BLTP1: variants seen among roughly 807,000 people sequenced by gnomAD.
The protein encoded by BLTP1 is fragile site-associated protein.
the BLTP1 span, among the ~76,000 whole-genome samples, chr4:122,158,034 T>A: frequency 6.6e-6 from 1 of 152,108 alleles, no homozygotes; most frequent in Non-Finnish European, 1.5e-5. Flanking sequence ...CTGGAAGATA[T>A]GAGAAAAGCC....
chr4:122,189,369 C>T, the BLTP1 span: 8 of 982,880 alleles, frequency 8.1e-6, no homozygotes, highest in African/African-American at 5.3e-5. Flanking sequence ...TTAATGGTTT[C>T]TGGGAAATTA....
At chr4:122,177,527 A>T in the BLTP1 span, among the ~76,000 whole-genome samples, 2 of 152,164 alleles carry the variant, frequency 1.3e-5, no homozygotes, top group Non-Finnish European at 2.9e-5. Context: ...CTTGTAAGTG[A>T]CCTATAGAAT....
At chr4:122,254,796 G>T in the BLTP1 span, 4 of 1,523,410 alleles carry the variant, frequency 2.6e-6, no homozygotes, top group South Asian at 5.2e-5. Context: ...TTTTATTTAT[G>T]TTAAAAAGGC....
the BLTP1 span, chr4:122,349,718 C>T: frequency 6.5e-7 from 1 of 1,531,912 alleles, no homozygotes; most frequent in Admixed American, 2.1e-5. This position sits in a 1 kb window ranked among gnomAD's most constrained non-coding sequence, Gnocchi z 4.5. Context: ...GGTGAGAAAA[C>T]AGCAATTTTT....
the BLTP1 span, chr4:122,328,461 G>A: frequency 9.5e-7 from 1 of 1,051,082 alleles, no homozygotes; most frequent in Admixed American, 2.6e-5. Flanking sequence ...TTTTTAATGT[G>A]CCTCGCTTGA....
chr4:122,289,585 C>G, the BLTP1 span: 1 of 985,274 alleles, frequency 1.0e-6, no homozygotes, highest in Non-Finnish European at 1.2e-6. Context: ...TCTGTGGAAA[C>G]CCTCATTATA....
the BLTP1 span, chr4:122,300,814 G>T: frequency 1.7e-6 from 1 of 586,628 alleles, no homozygotes; most frequent in Non-Finnish European, 2.1e-6. Flanking sequence ...ATATTTGAAA[G>T]ATAGGCAGGC....
chr4:122,204,107 G>T, the BLTP1 span, among the ~76,000 whole-genome samples: 7 of 151,794 alleles, frequency 4.6e-5, no homozygotes, highest in African/African-American at 1.4e-4. Context: ...TCACTTATGG[G>T]CATTTCTTGT....
the BLTP1 span, among the ~76,000 whole-genome samples, chr4:122,270,729 A>T: frequency 6.6e-6 from 1 of 152,114 alleles, no homozygotes. Context: ...CCATCAAATG[A>T]CAGTAAAAGT....
At chr4:122,229,148 A>G in the BLTP1 span, 6 of 1,607,144 alleles carry the variant, frequency 3.7e-6, no homozygotes, top group Admixed American at 1.7e-5. Flanking sequence ...GCCTTGTCCA[A>G]CTTCAGATGA....
chr4:122,343,469 C>T, the BLTP1 span: 1 of 1,614,094 alleles, frequency 6.2e-7, no homozygotes, highest in Non-Finnish European at 8.5e-7. Context: ...TCAGTCAGAC[C>T]TGACCAGTTC....
chr4:122,200,645 C>T, the BLTP1 span: 13 of 982,450 alleles, frequency 1.3e-5, no homozygotes, highest in African/African-American at 3.5e-5. Context: ...TGTGACAGTA[C>T]GCATCACACT....
chr4:122,179,468 A>G, the BLTP1 span, among the ~76,000 whole-genome samples: 1 of 152,134 alleles, frequency 6.6e-6, no homozygotes, highest in African/African-American at 2.4e-5. Context: ...GCTGATCTCC[A>G]TGCTTACATG....
At chr4:122,220,491 G>A in the BLTP1 span, 7 of 1,572,434 alleles carry the variant, frequency 4.5e-6, no homozygotes, top group Non-Finnish European at 6.1e-6. Flanking sequence ...AATGAAATAT[G>A]GTGGAGACAT....
the BLTP1 span, chr4:122,204,824 A>G: frequency 1.1e-6 from 1 of 869,624 alleles, no homozygotes; most frequent in Non-Finnish European, 1.4e-6. Flanking sequence ...GGTAGGAGTA[A>G]AAGATTTGAG....
At chr4:122,243,342 G>A in the BLTP1 span, 85 of 895,294 alleles carry the variant, frequency 9.5e-5, 1 homozygote, top group Middle Eastern at 1.1e-3. Flanking sequence ...GGTACATCAG[G>A]TAAATATATT....
chr4:122,269,792 G>T, the BLTP1 span: 5 of 518,602 alleles, frequency 9.6e-6, no homozygotes, highest in African/African-American at 1.0e-4. Context: ...CCTCATACAT[G>T]ATAGTTTCTT....
At chr4:122,332,571 T>C in the BLTP1 span, among the ~76,000 whole-genome samples, 1 of 151,916 alleles carries the variant, frequency 6.6e-6, no homozygotes, top group Non-Finnish European at 1.5e-5. Context: ...TGAACTTTAC[T>C]TTTTTCAACT....
chr4:122,161,796 A>G, the BLTP1 span, among the ~76,000 whole-genome samples: 1 of 152,348 alleles, frequency 6.6e-6, no homozygotes, highest in African/African-American at 2.4e-5. Context: ...CATTAGAAAT[A>G]CTTGCCTATC....
Sources: gnomAD v4.1 joint callset for allele counts (sites outside exome capture counted in the v4.1 genomes callset) on GRCh38, gnomAD v4.1.1 for gene constraint, Gnocchi (gnomAD v3.1) non-coding constraint, MANE v1.5 for transcripts, NCBI Gene and HGNC (gene_info 2026-07-23, HGNC 2026-07-21) for gene names.